Variants in BRINP1 observed in about 807,000 individuals in gnomAD.
BRINP1 encodes the protein BMP/retinoic acid-inducible neural-specific protein 1.
BRINP1 carries 17 observed loss-of-function variants against 72.9 expected under a neutral mutation model. The ratio of observed to expected loss-of-function variants is 0.23; its 90% CI spans 0.16 to 0.35. BRINP1 has a LOEUF of 0.35. BRINP1 is among the 10% of genes least tolerant of loss of function. The pLI is 1.00. For synonymous variants in BRINP1, 418 were observed against 378.5 expected (o/e 1.10, Z -1.21); for missense variants, 850 against 1,001.6 (o/e 0.85, Z 2.04).
At chr9:119,340,460 C>T (rs1439765110) in intron 1 of BRINP1, among the ~76,000 whole-genome samples, 2 of 152,122 alleles carry the variant, frequency 1.3e-5, no homozygotes, top group African/African-American at 4.8e-5. Flanking sequence ...GTCCCACCCC[C>T]AGGATGCAGG....
At chr9:119,181,427 T>C (rs1175408174) in intron 7 of BRINP1, among the ~76,000 whole-genome samples, 1 of 152,190 alleles carries the variant, frequency 6.6e-6, no homozygotes, top group Admixed American at 6.5e-5. Context: ...GCCTTGCTAT[T>C]TGACCTTAAA....
intron 2 of BRINP1, among the ~76,000 whole-genome samples, chr9:119,249,839 G>GAAGGAAGA (rs1554751041): frequency 3.0e-5 from 2 of 66,874 alleles, no homozygotes; most frequent in African/African-American, 1.3e-4. Context: ...AGGAAGGAAG[G>GAAGGAAGA]AAGGAAGGAA....
At chr9:119,176,825 T>A (rs546316308) in intron 7 of BRINP1, among the ~76,000 whole-genome samples, 1 of 152,286 alleles carries the variant, frequency 6.6e-6, no homozygotes, top group South Asian at 2.1e-4. Context: ...AAATGGATAC[T>A]GTTGAAATGG....
chr9:119,351,990 G>A (rs932808579), intron 1 of BRINP1, among the ~76,000 whole-genome samples: 1 of 151,708 alleles, frequency 6.6e-6, no homozygotes, highest in Non-Finnish European at 1.5e-5. Flanking sequence ...TAGAGGTGGG[G>A]TTTCACCATG....
At chr9:119,348,203 G>A (rs1056265669) in intron 1 of BRINP1, among the ~76,000 whole-genome samples, 2 of 152,000 alleles carry the variant, frequency 1.3e-5, no homozygotes, top group Non-Finnish European at 2.9e-5. Flanking sequence ...AGCATATGTT[G>A]GAATTATACA....
At chr9:119,206,838 G>T (rs1263553539) in intron 7 of BRINP1, among the ~76,000 whole-genome samples, 6 of 152,182 alleles carry the variant, frequency 3.9e-5, no homozygotes, top group African/African-American at 7.2e-5. Flanking sequence ...TCAGAGACTT[G>T]CTCGTGGTAG....
intron 7 of BRINP1, among the ~76,000 whole-genome samples, chr9:119,172,718 T>C (rs535641950): frequency 0.12 from 17,924 of 151,366 alleles, 3,028 homozygotes; most frequent in African/African-American, 0.38. Context: ...TGAACATTGA[T>C]GCAAAAATCC....
chr9:119,199,593 G>A (rs1829782407), intron 7 of BRINP1, among the ~76,000 whole-genome samples: 1 of 152,092 alleles, frequency 6.6e-6, no homozygotes, highest in Non-Finnish European at 1.5e-5. Context: ...AGCATCATCA[G>A]AAAATGCTAA....
chr9:119,325,119 A>T (rs1051854739), intron 1 of BRINP1, among the ~76,000 whole-genome samples: 71 of 151,678 alleles, frequency 4.7e-4, no homozygotes, highest in African/African-American at 1.4e-3. Flanking sequence ...AAAGAAAGAA[A>T]GAGAGAGAGA....
intron 5 of BRINP1, among the ~76,000 whole-genome samples, chr9:119,233,731 A>C (rs1348037255): frequency 6.6e-6 from 1 of 152,228 alleles, no homozygotes; most frequent in Non-Finnish European, 1.5e-5. Flanking sequence ...ATGTATTACC[A>C]ACCGGATTTA....
intron 1 of BRINP1, among the ~76,000 whole-genome samples, chr9:119,347,050 C>A (rs948398399): frequency 1.4e-4 from 22 of 152,316 alleles, no homozygotes; most frequent in Middle Eastern, 3.4e-3. Flanking sequence ...CATAGACTTA[C>A]TTCTTGGAAG....
intron 2 of BRINP1, among the ~76,000 whole-genome samples, chr9:119,278,150 A>T (rs1830674369): frequency 6.6e-6 from 1 of 151,350 alleles, no homozygotes; most frequent in Non-Finnish European, 1.5e-5. Context: ...CTTCTCTGGG[A>T]CTCTTCTGTG....
chr9:119,290,797 G>A (rs1014911248), intron 2 of BRINP1, among the ~76,000 whole-genome samples: 14 of 151,984 alleles, frequency 9.2e-5, no homozygotes, highest in African/African-American at 3.4e-4. Context: ...CAGACTATAG[G>A]GCCTCCATTC....
chr9:119,326,797 G>A (rs549081128), intron 1 of BRINP1, among the ~76,000 whole-genome samples: 74 of 152,304 alleles, frequency 4.9e-4, no homozygotes, highest in South Asian at 3.1e-3. Flanking sequence ...TCAGTATAAT[G>A]TAATAACAGA....
intron 6 of BRINP1, among the ~76,000 whole-genome samples, chr9:119,211,945 A>G (rs1300823224): frequency 6.6e-6 from 1 of 151,604 alleles, no homozygotes; most frequent in Non-Finnish European, 1.5e-5. Flanking sequence ...TAAGGATTGT[A>G]TGCTAAAGAG....
At chr9:119,186,828 T>A (rs1016553812) in intron 7 of BRINP1, among the ~76,000 whole-genome samples, 34 of 152,142 alleles carry the variant, frequency 2.2e-4, no homozygotes, top group Non-Finnish European at 5.9e-5. Flanking sequence ...CCATTCCTGG[T>A]TCTTGTTTCT....
At chr9:119,347,093 T>C (rs904193644) in intron 1 of BRINP1, among the ~76,000 whole-genome samples, 1 of 152,166 alleles carries the variant, frequency 6.6e-6, no homozygotes, top group African/African-American at 2.4e-5. Context: ...TCAATCACCT[T>C]GAAAAGGCTT....
At chr9:119,286,967 T>C (rs1830767422) in intron 2 of BRINP1, among the ~76,000 whole-genome samples, 1 of 152,208 alleles carries the variant, frequency 6.6e-6, no homozygotes, top group Non-Finnish European at 1.5e-5. Context: ...CAACATGTGG[T>C]TGGCTGCGTT....
At chr9:119,299,568 G>A (rs141630471) in intron 2 of BRINP1, among the ~76,000 whole-genome samples, 42 of 147,952 alleles carry the variant, frequency 2.8e-4, no homozygotes, top group African/African-American at 9.8e-4. Context: ...AGCCGAGACT[G>A]CACCATTGCA....
Sources: allele counts gnomAD v4.1 joint callset (sites outside exome capture counted in the v4.1 genomes callset), GRCh38; gene constraint gnomAD v4.1.1; transcripts MANE v1.5; gene names NCBI Gene and HGNC (gene_info 2026-07-23, HGNC 2026-07-21).